BORCS5: variants seen among roughly 807,000 people sequenced by gnomAD.
BORCS5 encodes the protein BLOC-1-related complex subunit 5.
BORCS5 carries 17 observed loss-of-function variants against 22.1 expected under a neutral mutation model. That is an observed-to-expected ratio of 0.77 (90% confidence interval 0.53 to 1.15). The LOEUF (loss-of-function observed/expected upper bound fraction) is 1.15, where lower values mean the gene tolerates loss of function less well. BORCS5 is among the 50% of genes most tolerant of loss of function. The probability of loss-of-function intolerance (pLI) is 0.00; values close to 1 mark genes in which losing one functional copy is unlikely to be tolerated. For synonymous variants in BORCS5, 117 were observed against 99.8 expected (o/e 1.17, Z -1.03); for missense variants, 247 against 253.2 (o/e 0.98, Z 0.17).
rs564037824 is a variant in BORCS5 at position 12,362,929 on chromosome 12, G to C, written c.202+1580G>C. On this transcript the variant is annotated intron_variant, in intron 2 of 3. Transcript: ENST00000314565. ...GCCTCCCAAAGTGCTGGGATTACAG[G>C]CGTGAGGCACCTTGCATGGCCTACT... Among the ~76,000 whole-genome samples, 9 of 151,966 alleles carry C rather than the reference G, an allele frequency of 5.9e-5. No individual in the cohort carries two copies. In the South Asian group the frequency reaches 1.5e-3, roughly 25 times the overall value.
chr12:12,452,335 A>G, intron 3 of BORCS5: 1 of 706,478 alleles, frequency 1.4e-6, no homozygotes, highest in Non-Finnish European at 2.5e-6. Flanking sequence ...CTGCAAGAAT[A>G]TTGTGAACCG....
intron 2 of BORCS5, among the ~76,000 whole-genome samples, chr12:12,405,704 TATA>T (rs1420547075): frequency 3.3e-5 from 5 of 152,342 alleles, no homozygotes; most frequent in African/African-American, 1.2e-4. Flanking sequence ...TTTAGTAAAT[TATA>T]ATAATGTTGT....
At chr12:12,460,710 G>A (rs369186487) in intron 3 of BORCS5, among the ~76,000 whole-genome samples, 62 of 152,208 alleles carry the variant, frequency 4.1e-4, no homozygotes, top group African/African-American at 1.4e-3. Flanking sequence ...TCAGTTTTTT[G>A]AGTGCTTTTT....
chr12:12,388,083 C>A (rs1054267843), intron 2 of BORCS5, among the ~76,000 whole-genome samples: 2 of 151,306 alleles, frequency 1.3e-5, no homozygotes, highest in Non-Finnish European at 3.0e-5. Flanking sequence ...TTAGTGAGAA[C>A]TAACATTTGT....
chr12:12,419,800 G>C (rs1041613612), intron 2 of BORCS5, among the ~76,000 whole-genome samples: 1 of 152,204 alleles, frequency 6.6e-6, no homozygotes, highest in African/African-American at 2.4e-5. Flanking sequence ...GACCAGTGAT[G>C]ATGAGCATTT....
chr12:12,441,182 A>C (rs1343511396), intron 3 of BORCS5, among the ~76,000 whole-genome samples: 1 of 152,160 alleles, frequency 6.6e-6, no homozygotes, highest in Non-Finnish European at 1.5e-5. Flanking sequence ...TCTGTGGAGA[A>C]GAGGGAGGTC....
intron 2 of BORCS5, among the ~76,000 whole-genome samples, chr12:12,365,303 G>A (rs1863381351): frequency 6.6e-6 from 1 of 151,864 alleles, no homozygotes; most frequent in Non-Finnish European, 1.5e-5. Context: ...CAGAGTAGCT[G>A]GGACTACAGT....
At chr12:12,378,367 G>A (rs574978890) in intron 2 of BORCS5, among the ~76,000 whole-genome samples, 167 of 152,176 alleles carry the variant, frequency 1.1e-3, no homozygotes, top group African/African-American at 3.8e-3. Flanking sequence ...GTGAGACTCC[G>A]TCTCCAAAAA....
At chr12:12,426,606 A>G (rs1219822378) in intron 2 of BORCS5, among the ~76,000 whole-genome samples, 1 of 152,260 alleles carries the variant, frequency 6.6e-6, no homozygotes, top group Non-Finnish European at 1.5e-5. Context: ...TGCTTACCAC[A>G]AATTCCCTTG....
chr12:12,378,716 G>T (rs1419082976), intron 2 of BORCS5, among the ~76,000 whole-genome samples: 1 of 151,194 alleles, frequency 6.6e-6, no homozygotes, highest in Admixed American at 6.6e-5. Context: ...TAGTTTAGTT[G>T]ATTATATTGT....
At chr12:12,464,562 G>C (rs1426558309) in intron 3 of BORCS5, among the ~76,000 whole-genome samples, 2 of 152,136 alleles carry the variant, frequency 1.3e-5, no homozygotes, top group Non-Finnish European at 2.9e-5. Context: ...AGGAGTGTGG[G>C]CCTCAGTAGT....
At chr12:12,433,320 C>A in intron 2 of BORCS5, among the ~76,000 whole-genome samples, 1 of 63,086 alleles carries the variant, frequency 1.6e-5, no homozygotes, top group Non-Finnish European at 3.0e-5. Flanking sequence ...GAGACTGTGT[C>A]TCAAAAAAAA....
chr12:12,422,411 C>G (rs1942156149), intron 2 of BORCS5, among the ~76,000 whole-genome samples: 1 of 152,058 alleles, frequency 6.6e-6, no homozygotes, highest in Non-Finnish European at 1.5e-5. Context: ...GTCAGGCGTT[C>G]AAGACCAGCC....
intron 2 of BORCS5, among the ~76,000 whole-genome samples, chr12:12,389,135 C>CTTTT (rs10630444): frequency 1.2e-4 from 14 of 117,866 alleles, no homozygotes; most frequent in East Asian, 4.6e-4. Flanking sequence ...CAAGTAAGTA[C>CTTTT]TTTTTTTTTT....
intron 3 of BORCS5, among the ~76,000 whole-genome samples, chr12:12,458,867 G>T (rs1943048586): frequency 6.6e-6 from 1 of 151,384 alleles, no homozygotes; most frequent in South Asian, 2.1e-4. Context: ...AGCTACTCGG[G>T]AGGCTGAGGC....
chr12:12,384,792 T>C (rs1863846589), intron 2 of BORCS5, among the ~76,000 whole-genome samples: 1 of 151,318 alleles, frequency 6.6e-6, no homozygotes, highest in South Asian at 2.1e-4. Flanking sequence ...GTTCTGACTT[T>C]GTTATGCAGC....
chr12:12,462,388 G>A (rs1943122834), intron 3 of BORCS5, among the ~76,000 whole-genome samples: 1 of 152,200 alleles, frequency 6.6e-6, no homozygotes, highest in South Asian at 2.1e-4. Context: ...ATATAGCAGG[G>A]TTTAAAGCAC....
intron 3 of BORCS5, among the ~76,000 whole-genome samples, chr12:12,443,362 C>G (rs1942721625): frequency 6.6e-6 from 1 of 152,238 alleles, no homozygotes; most frequent in Admixed American, 6.5e-5. Flanking sequence ...TCACAAGTTA[C>G]TCTGGCATCA....
At chr12:12,363,741 A>T (rs1863345039) in intron 2 of BORCS5, among the ~76,000 whole-genome samples, 1 of 151,994 alleles carries the variant, frequency 6.6e-6, no homozygotes, top group African/African-American at 2.4e-5. Context: ...CATCTCAAAA[A>T]AAAAAAATTA....
Sources: allele counts gnomAD v4.1 joint callset (sites outside exome capture counted in the v4.1 genomes callset), GRCh38; gene constraint gnomAD v4.1.1; transcripts MANE v1.5; gene names NCBI Gene and HGNC (gene_info 2026-07-23, HGNC 2026-07-21).